The following TRPM3 variants were observed in gnomAD, a reference collection of about 807,000 sequenced individuals.
The protein encoded by TRPM3 is long transient receptor potential channel 3.
TRPM3 carries 77 observed loss-of-function variants against 181.2 expected under a neutral mutation model. That is an observed-to-expected ratio of 0.42 (90% CI 0.35 to 0.51). The LOEUF (loss-of-function observed/expected upper bound fraction) is 0.51, where lower values mean the gene tolerates loss of function less well. Among genes scored for constraint, TRPM3 ranks in the 20% least tolerant of loss-of-function variants. The pLI, the probability that TRPM3 is intolerant of heterozygous loss-of-function variation, is 0.01. For synonymous variants in TRPM3, 745 were observed against 796.4 expected, an observed-to-expected ratio of 0.94 and a Z score of 1.09; for missense variants, 1,759 against 2,196.7, an observed-to-expected ratio of 0.80 and a Z score of 3.98.
chr9:71,143,000 A>T (rs2134558200), intron 1 of TRPM3, among the ~76,000 whole-genome samples: 1 of 151,310 alleles, frequency 6.6e-6, no homozygotes, highest in East Asian at 1.9e-4. Context: ...AAAAGAAAGA[A>T]AAAAACAGGC....
intron 1 of TRPM3, among the ~76,000 whole-genome samples, chr9:71,081,560 T>G (rs1030352395): frequency 1.3e-5 from 2 of 152,182 alleles, no homozygotes; most frequent in African/African-American, 4.8e-5. Flanking sequence ...ATTTGCAAGA[T>G]GCCAAGACAA....
chr9:70,886,275 T>C (rs1056747420), intron 1 of TRPM3, among the ~76,000 whole-genome samples: 2 of 152,174 alleles, frequency 1.3e-5, no homozygotes, highest in Admixed American at 1.3e-4. Flanking sequence ...TCAAATCATC[T>C]TTGAAAAGCA....
At chr9:71,106,687 A>G (rs1437337111) in intron 1 of TRPM3, among the ~76,000 whole-genome samples, 1 of 152,236 alleles carries the variant, frequency 6.6e-6, no homozygotes, top group East Asian at 1.9e-4. Context: ...CTAACATTTT[A>G]TAGCTGTCCA....
chr9:71,231,977 G>A (rs892649066), intron 1 of TRPM3, among the ~76,000 whole-genome samples: 11 of 152,136 alleles, frequency 7.2e-5, no homozygotes, highest in South Asian at 2.1e-4. Context: ...TTATTTAAAT[G>A]TCACGTTTAT....
At chr9:71,208,672 G>T (rs1358963707) in intron 1 of TRPM3, among the ~76,000 whole-genome samples, 2 of 152,262 alleles carry the variant, frequency 1.3e-5, no homozygotes, top group Non-Finnish European at 1.5e-5. Context: ...AAAAGAATAT[G>T]AAAGTTTCCT....
intron 1 of TRPM3, among the ~76,000 whole-genome samples, chr9:71,338,359 G>T (rs779086258): frequency 1.4e-4 from 21 of 152,170 alleles, no homozygotes; most frequent in Non-Finnish European, 2.8e-4. Flanking sequence ...TCTTCAGAGG[G>T]AAATGGCGGA....
At chr9:71,200,761 G>A (rs1484829165) in intron 1 of TRPM3, among the ~76,000 whole-genome samples, 1 of 152,044 alleles carries the variant, frequency 6.6e-6, no homozygotes, top group African/African-American at 2.4e-5. Flanking sequence ...TTGAGTCTAT[G>A]TGTGTCTCTG....
At chr9:71,219,126 T>C (rs1336494271) in intron 1 of TRPM3, among the ~76,000 whole-genome samples, 2 of 152,206 alleles carry the variant, frequency 1.3e-5, no homozygotes, top group Admixed American at 1.3e-4. Flanking sequence ...AAAGGCTGCA[T>C]TTCCATTTCT....
intron 9 of TRPM3, among the ~76,000 whole-genome samples, chr9:70,672,531 C>A (rs925978011): frequency 1.3e-5 from 2 of 152,152 alleles, no homozygotes; most frequent in African/African-American, 4.8e-5. Context: ...TTTGCTGGAG[C>A]TTCTTCAAAT....
intron 1 of TRPM3, among the ~76,000 whole-genome samples, chr9:71,219,066 C>T (rs569434031): frequency 7.2e-5 from 11 of 152,202 alleles, no homozygotes; most frequent in South Asian, 2.1e-4. Context: ...ACATATCAAC[C>T]GGTGGTTTCA....
intron 1 of TRPM3, among the ~76,000 whole-genome samples, chr9:71,171,280 C>A (rs913102611): frequency 2.6e-5 from 4 of 152,156 alleles, no homozygotes; most frequent in African/African-American, 9.7e-5. Context: ...CCTCCACTTG[C>A]CTTGTGATAT....
intron 1 of TRPM3, among the ~76,000 whole-genome samples, chr9:71,331,857 A>AG: frequency 2.6e-5 from 1 of 39,074 alleles, no homozygotes; most frequent in African/African-American, 1.6e-4. Context: ...GAAGAAGAGG[A>AG]GACGGAGGAG....
chr9:70,577,494 T>C (rs2054341789), intron 22 of TRPM3, among the ~76,000 whole-genome samples: 1 of 152,228 alleles, frequency 6.6e-6, no homozygotes, highest in South Asian at 2.1e-4. Flanking sequence ...CCTGGCCTGG[T>C]GCCAGCCACT....
At chr9:70,633,501 G>A (rs1564638239) in intron 12 of TRPM3, among the ~76,000 whole-genome samples, 1 of 152,034 alleles carries the variant, frequency 6.6e-6, no homozygotes, top group East Asian at 1.9e-4. Flanking sequence ...CTCTTGTTTT[G>A]AAAAAACTAC....
At chr9:70,748,533 T>C (rs2075576399) in intron 8 of TRPM3, among the ~76,000 whole-genome samples, 1 of 152,168 alleles carries the variant, frequency 6.6e-6, no homozygotes, top group African/African-American at 2.4e-5. Flanking sequence ...ATCACCAAGA[T>C]GATAGTATTA....
intron 9 of TRPM3, among the ~76,000 whole-genome samples, chr9:70,652,986 T>A (rs2059780336): frequency 6.6e-6 from 1 of 151,774 alleles, no homozygotes; most frequent in Non-Finnish European, 1.5e-5. Flanking sequence ...TGGTGGAGAG[T>A]AGCCAAGGAC....
intron 1 of TRPM3, among the ~76,000 whole-genome samples, chr9:71,191,253 G>A (rs1002201913): frequency 6.6e-6 from 1 of 151,806 alleles, no homozygotes. Context: ...CCAGCGTGGT[G>A]CTGGGTACAT....
intron 1 of TRPM3, among the ~76,000 whole-genome samples, chr9:71,204,386 T>C (rs2078996722): frequency 6.6e-6 from 1 of 152,064 alleles, no homozygotes; most frequent in Non-Finnish European, 1.5e-5. Context: ...AACAACCCCA[T>C]GAACAAGTAG....
At chr9:71,163,476 T>C (rs1206157299) in intron 1 of TRPM3, among the ~76,000 whole-genome samples, 2 of 152,014 alleles carry the variant, frequency 1.3e-5, no homozygotes, top group Admixed American at 6.6e-5. Context: ...TTAACAGTGG[T>C]GTTATTTATT....
Sources: gnomAD v4.1 joint callset for allele counts (sites outside exome capture counted in the v4.1 genomes callset) on GRCh38, gnomAD v4.1.1 for gene constraint, MANE v1.5 for transcripts, NCBI Gene and HGNC (gene_info 2026-07-23, HGNC 2026-07-21) for gene names.